The following ADGRB3 variants were observed in gnomAD, a reference collection of about 807,000 sequenced individuals.
The protein encoded by ADGRB3 is brain-specific angiogenesis inhibitor 3.
A neutral mutation model predicts 193.4 loss-of-function variants in ADGRB3; 37 were observed. That is an observed-to-expected ratio of 0.19 (90% CI 0.15 to 0.25). The LOEUF is 0.25. ADGRB3 is among the 10% of genes least tolerant of loss of function. ADGRB3 has a pLI of 1.00. For synonymous variants in ADGRB3, 690 were observed against 644.2 expected (o/e 1.07, Z -1.08); for missense variants, 1,637 against 1,852.9 (o/e 0.88, Z 2.14).
intron 3 of ADGRB3, among the ~76,000 whole-genome samples, chr6:68,863,921 C>G (rs1355355541): frequency 6.6e-6 from 1 of 152,132 alleles, no homozygotes; most frequent in Non-Finnish European, 1.5e-5. Context: ...ATGCATTATA[C>G]TAAATTATTG....
At chr6:69,335,816 TGTTATTA>T (rs1213605728) in intron 24 of ADGRB3, among the ~76,000 whole-genome samples, 1 of 152,096 alleles carries the variant, frequency 6.6e-6, no homozygotes, top group Non-Finnish European at 1.5e-5. Flanking sequence ...ACAACTAGGT[TGTTATTA>T]AAAACCAAAT....
intron 20 of ADGRB3, among the ~76,000 whole-genome samples, chr6:69,249,551 GGCAGAGAAGTAACATCTGAA>G (rs1482774404): frequency 6.6e-6 from 1 of 152,090 alleles, no homozygotes; most frequent in Non-Finnish European, 1.5e-5. Context: ...GACAGTCTTG[GGCAGAGAAGTAACATCTGAA>G]GCAGAAAATA....
chr6:68,822,946 A>C (rs1464809388), intron 3 of ADGRB3, among the ~76,000 whole-genome samples: 4 of 152,048 alleles, frequency 2.6e-5, no homozygotes, highest in Non-Finnish European at 5.9e-5. Flanking sequence ...GTGTCATTTC[A>C]CTTCTAGGAA....
At chr6:68,756,534 T>C (rs918238099) in intron 3 of ADGRB3, among the ~76,000 whole-genome samples, 2 of 152,130 alleles carry the variant, frequency 1.3e-5, no homozygotes, top group African/African-American at 2.4e-5. Flanking sequence ...ATCTGTTTGA[T>C]AAAATGACGA....
At chr6:68,746,097 A>G (rs1409296629) in intron 3 of ADGRB3, among the ~76,000 whole-genome samples, 1 of 152,066 alleles carries the variant, frequency 6.6e-6, no homozygotes, top group Non-Finnish European at 1.5e-5. Context: ...CCATTTTTAA[A>G]TGTTAGTGCT....
chr6:69,253,219 C>G (rs558107640), intron 20 of ADGRB3, among the ~76,000 whole-genome samples: 13 of 152,034 alleles, frequency 8.6e-5, no homozygotes, highest in Non-Finnish European at 1.8e-4. Context: ...AGCTTGAGTT[C>G]TCTAACTTCA....
intron 10 of ADGRB3, among the ~76,000 whole-genome samples, chr6:68,977,062 A>G (rs986043319): frequency 1.3e-4 from 20 of 148,936 alleles, no homozygotes; most frequent in Admixed American, 4.0e-4. Flanking sequence ...TTTTATATTT[A>G]TATATTATAT....
At chr6:69,332,240 G>A in intron 23 of ADGRB3, 1 of 985,290 alleles carries the variant, frequency 1.0e-6, no homozygotes, top group South Asian at 4.7e-5. Context: ...TTCATTTCAT[G>A]TATCATGCAA....
At chr6:69,327,992 A>G in intron 22 of ADGRB3, 103 bp downstream of exon 22, 1 of 952,864 alleles carries the variant, frequency 1.0e-6, no homozygotes, top group Non-Finnish European at 1.5e-6. Flanking sequence ...GGAATCATTA[A>G]CAATGGTAGA....
chr6:69,004,887 T>C (rs968600362), intron 11 of ADGRB3, among the ~76,000 whole-genome samples: 21 of 152,104 alleles, frequency 1.4e-4, no homozygotes, highest in Non-Finnish European at 2.5e-4. Context: ...GGGGTCTGTG[T>C]CAGTCATCTT....
intron 13 of ADGRB3, among the ~76,000 whole-genome samples, chr6:69,018,862 A>G (rs1325209115): frequency 6.6e-6 from 1 of 151,950 alleles, no homozygotes; most frequent in Admixed American, 6.6e-5. Context: ...AATTTTGAAA[A>G]ACAACATATT....
Position 69,355,825 on chromosome 6 carries a change from A to G in ADGRB3, c.3560A>G (p.Asp1187Gly), listed in dbSNP as rs1769326400. Reference protein sequence around the residue: ...FPNGHAQIMTDFEKDVDIACR... With the variant: ...FPNGHAQIMTGFEKDVDIACR... The stretch of plus-strand genomic sequence containing the variant: ...TCTTATTATTTATTGTTACAGACAG[A>G]CTTTGAAAAGGATGTAGACATTGCC... Residue 1187 changes from aspartate (D) to glycine (G), a missense_variant, in exon 28 of 32, where the codon GAC (aspartate) becomes GGC (glycine). This residue lies in a region of ADGRB3 where 116 missense variants were observed against 168.1 expected (regional missense o/e 0.69). Coordinates refer to ENST00000370598, the MANE Select transcript of ADGRB3 (RefSeq NM_001704.3). 6.2e-7 allele frequency: 1 copy of G among 1,608,076 alleles called. No individual in the cohort carries two copies. The highest frequency in any genetic ancestry group is 1.7e-5 in the Admixed American group (1 of 59,844).
At chr6:68,923,145 T>C (rs1261024407) in intron 3 of ADGRB3, among the ~76,000 whole-genome samples, 2 of 152,126 alleles carry the variant, frequency 1.3e-5, no homozygotes, top group East Asian at 1.9e-4. Flanking sequence ...GTATAAAAGA[T>C]ACTATTTTAA....
rs1554199244 is a variant in ADGRB3, at chr6:68,815,638, T to TGG, written c.758-114920_758-114919insGG. On this transcript the variant is annotated intron_variant, in intron 3 of 31. Coordinates refer to ENST00000370598, the MANE Select transcript of ADGRB3 (RefSeq NM_001704.3). The stretch of plus-strand genomic sequence containing the variant: ...GTGTGTGTGTGTGTGTGTGTGTGTG[T>TGG]GTGCATGTAGATCTCATTTGATGTA... Among the ~76,000 whole-genome samples the TGG allele has an allele frequency of 4.5e-4, 68 of 149,516 alleles. 1 individual carries two copies. Among genetic ancestry groups the TGG allele is most frequent in the South Asian group, 3.6e-3 (17 of 4,722 alleles).
intron 3 of ADGRB3, among the ~76,000 whole-genome samples, chr6:68,816,366 TG>T (rs1767631521): frequency 9.0e-5 from 4 of 44,598 alleles, no homozygotes; most frequent in Admixed American, 3.2e-4. Context: ...AAAATATAAC[TG>T]AGTATTTATA....
chr6:69,376,368 G>A (rs1331584711), intron 30 of ADGRB3, among the ~76,000 whole-genome samples: 1 of 151,834 alleles, frequency 6.6e-6, no homozygotes, highest in Non-Finnish European at 1.5e-5. Flanking sequence ...AAAATGCTGG[G>A]ATTATAGGCA....
intron 20 of ADGRB3, among the ~76,000 whole-genome samples, chr6:69,264,686 C>G (rs148994404): frequency 2.6e-5 from 4 of 151,814 alleles, no homozygotes; most frequent in Admixed American, 6.6e-5. Flanking sequence ...TCACTCCACA[C>G]CCCCACCAAC....
chr6:69,084,632 A>G (rs1772494082), intron 17 of ADGRB3, among the ~76,000 whole-genome samples: 1 of 152,210 alleles, frequency 6.6e-6, no homozygotes, highest in East Asian at 1.9e-4. Context: ...AGGGGCTTTC[A>G]GTTTGTCAGT....
chr6:69,157,598 A>G (rs1321721039), intron 17 of ADGRB3, among the ~76,000 whole-genome samples: 2 of 152,008 alleles, frequency 1.3e-5, no homozygotes, highest in African/African-American at 4.8e-5. Context: ...TATGGGGAAC[A>G]TGTATGTGTG....
Sources: gnomAD v4.1 joint callset for allele counts (sites outside exome capture counted in the v4.1 genomes callset) on GRCh38, gnomAD v4.1.1 for gene constraint, gnomAD v4.1.1 regional missense constraint, MANE v1.5 for transcripts, NCBI Gene and HGNC (gene_info 2026-07-23, HGNC 2026-07-21) for gene names.